The following RALGAPA2 variants were observed in gnomAD, a reference collection of about 807,000 sequenced individuals.
RALGAPA2 encodes ral GTPase-activating protein subunit alpha-2.
Under a neutral mutation model 230.4 loss-of-function variants are expected in RALGAPA2, and 139 were observed. The observed-to-expected ratio is 0.60, with a 90% CI of 0.53 to 0.69. The LOEUF is 0.69. RALGAPA2 is among the 30% of genes least tolerant of loss of function. RALGAPA2 has a pLI of 0.00. For missense variants in RALGAPA2, 2,163 were observed against 2,276.0 expected, an observed-to-expected ratio of 0.95 and a Z score of 1.01; for synonymous variants, 847 against 837.8, an observed-to-expected ratio of 1.01 and a Z score of -0.19.
chr20:20,510,160 G>A (rs984459869), intron 33 of RALGAPA2, among the ~76,000 whole-genome samples: 1 of 152,076 alleles, frequency 6.6e-6, no homozygotes, highest in African/African-American at 2.4e-5. Context: ...CTAACTCATC[G>A]CTGTAAGTGC....
chr20:20,637,564 CTG>C (rs2066897375), intron 7 of RALGAPA2, 63 bp from the exon 8 acceptor site: 1 of 1,385,536 alleles, frequency 7.2e-7, no homozygotes, highest in Non-Finnish European at 9.7e-7. Flanking sequence ...ATATACTAAA[CTG>C]AAGTGTTGTT....
chr20:20,608,607 T>C (rs971093779), intron 14 of RALGAPA2, among the ~76,000 whole-genome samples: 1 of 152,218 alleles, frequency 6.6e-6, no homozygotes, highest in African/African-American at 2.4e-5. Context: ...AAAAATCAAG[T>C]GTCTAGCCAT....
chr20:20,604,036 C>A (rs551208515), intron 15 of RALGAPA2, among the ~76,000 whole-genome samples: 20 of 152,310 alleles, frequency 1.3e-4, no homozygotes, highest in Admixed American at 5.9e-4. Context: ...TTTGATGTAA[C>A]CCTGCAAAGA....
rs139750154 is a variant in RALGAPA2, at chr20:20,674,464, G to C, written c.270+1772C>G. Among the ~76,000 whole-genome samples the C allele has an allele frequency of 4.1e-3, 627 of 152,180 alleles. 5 individuals carry two copies. Among genetic ancestry groups the C allele is most frequent in the African/African-American group, 0.014 (601 of 41,538 alleles). ...TTTCACATTAACAAAACTCTCTTTA[G>C]ATCAAAAACAAGATGACCCTTTATC... On this transcript the variant is annotated intron_variant, in intron 3 of 39. Transcript: ENST00000202677.
intron 16 of RALGAPA2, among the ~76,000 whole-genome samples, chr20:20,594,642 T>C (rs2065392154): frequency 6.6e-6 from 1 of 152,142 alleles, no homozygotes. Flanking sequence ...GCCTAGTTAG[T>C]TCCAACTACC....
At chr20:20,527,746 T>C (rs550296964) in intron 27 of RALGAPA2, among the ~76,000 whole-genome samples, 1 of 152,294 alleles carries the variant, frequency 6.6e-6, no homozygotes, top group African/African-American at 2.4e-5. Flanking sequence ...TGTTCACCAC[T>C]GTATCTTTAA....
intron 31 of RALGAPA2, among the ~76,000 whole-genome samples, chr20:20,515,856 G>GGGC (rs1459665257): frequency 6.6e-6 from 1 of 151,814 alleles, no homozygotes; most frequent in African/African-American, 2.4e-5. Context: ...GGGCGGGGGG[G>GGGC]GCAGGGAAGT....
chr20:20,463,654 G>C (rs1230286237), intron 37 of RALGAPA2, among the ~76,000 whole-genome samples: 1 of 152,138 alleles, frequency 6.6e-6, no homozygotes, highest in African/African-American at 2.4e-5. Flanking sequence ...TTATAATCTT[G>C]TTTGCCTACT....
chr20:20,554,796 G>T (rs1199353701), intron 23 of RALGAPA2, among the ~76,000 whole-genome samples: 1 of 152,090 alleles, frequency 6.6e-6, no homozygotes, highest in Non-Finnish European at 1.5e-5. Context: ...GAGCCACCGT[G>T]CCTGGCTGTG....
At chr20:20,489,474 T>C (rs1478368062) in intron 36 of RALGAPA2, among the ~76,000 whole-genome samples, 1 of 151,858 alleles carries the variant, frequency 6.6e-6, no homozygotes, top group Non-Finnish European at 1.5e-5. Context: ...TTAAAAAATA[T>C]TCTATATAAA....
At chr20:20,591,454 T>C in intron 16 of RALGAPA2, 140 bp from the exon 17 acceptor site, 1 of 1,064,244 alleles carries the variant, frequency 9.4e-7, no homozygotes. Context: ...TGCATTTAAA[T>C]GATCAAGTTT....
At chr20:20,537,476 C>T (rs576719998) in intron 24 of RALGAPA2, among the ~76,000 whole-genome samples, 39 of 151,870 alleles carry the variant, frequency 2.6e-4, no homozygotes, top group Non-Finnish European at 4.9e-4. Flanking sequence ...AAAAATTAGC[C>T]AGGCATGGTG....
At chr20:20,403,835 T>C (rs962360258) in intron 38 of RALGAPA2, among the ~76,000 whole-genome samples, 1 of 152,224 alleles carries the variant, frequency 6.6e-6, no homozygotes, top group Non-Finnish European at 1.5e-5. Flanking sequence ...ACTTCCTGTT[T>C]TGCCTGAGAT....
intron 20 of RALGAPA2, among the ~76,000 whole-genome samples, chr20:20,578,601 G>A (rs2064892566): frequency 6.6e-6 from 1 of 152,140 alleles, no homozygotes; most frequent in South Asian, 2.1e-4. Context: ...GGCAAAATAA[G>A]CATTTAAGGC....
At chr20:20,627,644 C>A (rs1302651095) in intron 10 of RALGAPA2, among the ~76,000 whole-genome samples, 1 of 152,200 alleles carries the variant, frequency 6.6e-6, no homozygotes, top group Admixed American at 6.5e-5. Context: ...ATCATGATCC[C>A]GAGAGGGCAC....
intron 26 of RALGAPA2, 56 bp downstream of exon 26, chr20:20,535,689 C>A: frequency 6.6e-7 from 1 of 1,519,876 alleles, no homozygotes; most frequent in South Asian, 1.3e-5. Flanking sequence ...TAACTACTTA[C>A]ACATAAATGT....
chr20:20,620,726 A>G, intron 10 of RALGAPA2, 96 bp from the exon 11 acceptor site: 1 of 1,090,190 alleles, frequency 9.2e-7, no homozygotes, highest in South Asian at 2.0e-5. Flanking sequence ...CACCCATTTC[A>G]CTTTCCTTGG....
At position 20,585,533 on chromosome 20, in the gene RALGAPA2, T is replaced by C. The variant is rs2146044064; in HGVS notation, c.2440-578A>G. ...CAAAACATACACAAATTACACAAAA[T>C]AATTATAATGTATATAAGCAAAATA... On this transcript the variant is annotated intron_variant, in intron 18 of 39. Transcript: ENST00000202677. Among the ~76,000 whole-genome samples, 3 of 152,246 alleles carry C rather than the reference T, an allele frequency of 2.0e-5. No homozygotes were observed. In the South Asian group the frequency reaches 6.2e-4, roughly 32 times the overall value.
In RALGAPA2 at chr20:20,601,856, G is replaced by A; in HGVS notation, c.2039-10C>T. ...GGATCTAGAACACAGCCTGATAAAG[G>A]AAAAGAAAAATAATCTAAAGGCTGA... On this transcript the variant is annotated splice_polypyrimidine_tract_variant and intron_variant, in intron 15 of 39. Coordinates refer to ENST00000202677, the MANE Select transcript of RALGAPA2 (RefSeq NM_020343.4). 2 of 1,570,194 alleles carry A rather than the reference G, an allele frequency of 1.3e-6. No homozygotes were observed. The highest frequency in any genetic ancestry group is 2.0e-5 in the Admixed American group (1 of 50,620).
Sources: allele counts gnomAD v4.1 joint callset (sites outside exome capture counted in the v4.1 genomes callset), GRCh38; gene constraint gnomAD v4.1.1; transcripts MANE v1.5; gene names NCBI Gene and HGNC (gene_info 2026-07-23, HGNC 2026-07-21).